The following MDN1 variants were observed in gnomAD, a reference collection of about 807,000 sequenced individuals.
MDN1 encodes midasin AAA ATPase 1.
Under a neutral mutation model 669.2 loss-of-function variants are expected in MDN1, and 266 were observed. That is an observed-to-expected ratio of 0.40 (90% CI 0.36 to 0.44). MDN1 has a LOEUF of 0.44. Ranked by LOEUF, MDN1 falls within the 20% of genes least tolerant of loss-of-function variation. The pLI is 1.00. For synonymous variants in MDN1, 2,385 were observed against 2,457.1 expected (o/e 0.97, Z 0.87); for missense variants, 5,940 against 6,754.0 (o/e 0.88, Z 4.22).
At chr6:89,745,108 C>T (rs1449103696) in intron 29 of MDN1, among the ~76,000 whole-genome samples, 165 bp downstream of exon 29, 1 of 140,676 alleles carries the variant, frequency 7.1e-6, no homozygotes. Flanking sequence ...CCTCCCCCAG[C>T]CCCCGACCCA....
Position 89,803,426 on chromosome 6 carries a change from G to A in MDN1, c.231C>T (p.Ala77=), listed in dbSNP as rs561511710. Residue 77 remains alanine, a synonymous_variant, in exon 2 of 102, where the codon GCC becomes GCT. Transcript: ENST00000369393. ...PLLLDLLERN[A]EAIKAGGQIN... The stretch of plus-strand genomic sequence containing the variant: ...TTTGGCCTCCAGCTTTAATGGCTTC[G>A]GCATTCCTTTCCAGCAAATCCAAAA... 16 of 1,613,930 alleles carry A rather than the reference G, an allele frequency of 9.9e-6. No homozygotes were observed. Among genetic ancestry groups the A allele is most frequent in the East Asian group, 2.2e-5 (1 of 44,882 alleles).
At position 89,803,559 on chromosome 6, in the gene MDN1, G is replaced by A. The variant is rs1454603808; in HGVS notation, c.103-5C>T. 6.3e-7 allele frequency: 1 copy of A among 1,580,418 alleles called. No homozygotes were observed. On this transcript the variant is annotated splice_region_variant and splice_polypyrimidine_tract_variant and intron_variant, in intron 1 of 101. Transcript: ENST00000369393. ...GCGATCTTGAGGTGTCCACACCTGAGAAAGGCAAAACAAAACATCTTTCAC... is the reference window on the plus strand; with the variant it reads ...GCGATCTTGAGGTGTCCACACCTGAAAAAGGCAAAACAAAACATCTTTCAC...
rs927904348 is a variant in MDN1, at chr6:89,797,770, G to A, written c.330-2969C>T. On this transcript the variant is annotated intron_variant, in intron 2 of 101. Coordinates refer to ENST00000369393, the MANE Select transcript of MDN1 (RefSeq NM_014611.3). The stretch of plus-strand genomic sequence containing the variant: ...AAGGCAGCATCAATACCAGGTCTAA[G>A]GCCTACTGCCAATAAAGGGAAAGTA... 43 of 327,926 alleles carry A rather than the reference G, an allele frequency of 1.3e-4. 1 individual carries two copies. The highest frequency in any genetic ancestry group is 2.4e-4 in the Admixed American group (6 of 25,244). The allele number at this position is 327,926 out of a possible 1,614,324, so 20.3% of individuals were successfully genotyped here. A position where few individuals can be genotyped will look rare whatever the true frequency, so the allele number is the denominator to read the frequency against.
chr6:89,771,754 G>C (rs1464444532), intron 14 of MDN1, 133 bp from the exon 15 acceptor site: 2 of 741,708 alleles, frequency 2.7e-6, no homozygotes, highest in South Asian at 3.7e-5. Flanking sequence ...TGTCAACCAG[G>C]GTGGAGTGCA....
At position 89,718,464 on chromosome 6, in the gene MDN1, C is replaced by T; in HGVS notation, c.6485G>A (p.Gly2162Asp). 2 of 1,614,120 alleles carry T rather than the reference C, an allele frequency of 1.2e-6. No individual in the cohort carries two copies. Among genetic ancestry groups the T allele is most frequent in the Non-Finnish European group, 1.7e-6 (2 of 1,180,014 alleles). ...AATCTCCATCGTGATAGCTTTACCACCTTCTCCAAGACACTTAGGCTTATA... is the reference window on the plus strand; with the variant it reads ...AATCTCCATCGTGATAGCTTTACCATCTTCTCCAAGACACTTAGGCTTATA... The part of the protein sequence containing the change: ...LTYKPKCLGE[G>D]GKAITMEIVN... Residue 2162 changes from glycine (G) to aspartate (D), a missense_variant, in exon 43 of 102, where the codon GGT (glycine) becomes GAT (aspartate). Around this residue, in one of 5 missense-constraint regions of MDN1, gnomAD observed 2,292 missense variants for 2,638.3 expected, o/e 0.87. Transcript: ENST00000369393.
intron 1 of MDN1, 130 bp downstream of exon 1, chr6:89,819,376 G>T: frequency 1.2e-6 from 1 of 840,532 alleles, no homozygotes; most frequent in Non-Finnish European, 1.9e-6. Flanking sequence ...GCCCACAGGA[G>T]GGGGCCAGCT....
intron 91 of MDN1, among the ~76,000 whole-genome samples, chr6:89,656,470 C>T (rs922182530): frequency 7.2e-5 from 11 of 152,062 alleles, no homozygotes; most frequent in South Asian, 2.1e-4. Flanking sequence ...ACTTCATGGC[C>T]GGAATCAGGG....
At chr6:89,794,007 C>T in intron 4 of MDN1, 53 bp from the exon 5 acceptor site, 3 of 1,475,740 alleles carry the variant, frequency 2.0e-6, no homozygotes, top group South Asian at 1.2e-5. Flanking sequence ...AATGCTATCG[C>T]AAGACCTGCA....
chr6:89,686,864 A>C, intron 69 of MDN1, 38 bp downstream of exon 69: 2 of 1,608,460 alleles, frequency 1.2e-6, no homozygotes, highest in African/African-American at 1.3e-5. Context: ...TTAGCCGGGA[A>C]GCTCTAAGTG....
chr6:89,752,927 A>G (rs1817029715), intron 22 of MDN1, among the ~76,000 whole-genome samples: 1 of 152,138 alleles, frequency 6.6e-6, no homozygotes, highest in Non-Finnish European at 1.5e-5. Flanking sequence ...GTTCGAGACC[A>G]GCCTGGCCAA....
intron 7 of MDN1, among the ~76,000 whole-genome samples, 177 bp from the exon 8 acceptor site, chr6:89,788,134 A>G (rs1819064106): frequency 6.6e-6 from 1 of 152,222 alleles, no homozygotes; most frequent in African/African-American, 2.4e-5. Context: ...ACACTCCAGC[A>G]CAATTTACAC....
At chr6:89,706,826 A>ATT (rs1320919592) in intron 52 of MDN1, among the ~76,000 whole-genome samples, 36 of 152,214 alleles carry the variant, frequency 2.4e-4, no homozygotes, top group African/African-American at 8.2e-4. Flanking sequence ...ATACCAATAG[A>ATT]TATGAGAAAA....
chr6:89,687,299 A>G, intron 68 of MDN1, 45 bp downstream of exon 68: 1 of 1,532,846 alleles, frequency 6.5e-7, no homozygotes, highest in Non-Finnish European at 8.9e-7. Flanking sequence ...AAAAGACAAA[A>G]GCCCTTACAA....
chr6:89,740,217 C>T lies in MDN1; in HGVS notation c.4593+17G>A. The stretch of plus-strand genomic sequence containing the variant: ...GGTCAAAACCTAGAAAGAAAATGTG[C>T]ATCAGTAAAGTTTTACCTCCTTTTT... On this transcript the variant is annotated intron_variant, in intron 32 of 101. Transcript: ENST00000369393. 1.2e-6 allele frequency: 2 copies of T among 1,609,694 alleles called. No homozygotes were observed. The highest frequency in any genetic ancestry group is 1.7e-6 in the Non-Finnish European group (2 of 1,178,502).
At chr6:89,688,440 T>C in intron 66 of MDN1, 133 bp downstream of exon 66, 3 of 779,858 alleles carry the variant, frequency 3.8e-6, no homozygotes, top group Non-Finnish European at 4.1e-6. Flanking sequence ...TAACATCTCA[T>C]TGAACTGCAG....
chr6:89,763,038 G>GCCAGA (rs2128321103), intron 15 of MDN1, among the ~76,000 whole-genome samples: 1 of 152,160 alleles, frequency 6.6e-6, no homozygotes, highest in Admixed American at 6.5e-5. Context: ...GGGCAACAGA[G>GCCAGA]CCAGACCCTG....
chr6:89,757,356 C>A (rs1817307253), intron 19 of MDN1, among the ~76,000 whole-genome samples: 1 of 152,156 alleles, frequency 6.6e-6, no homozygotes. Flanking sequence ...TATGCGTATA[C>A]TGGTATATGT....
At chr6:89,763,269 G>T (rs746152801) in intron 15 of MDN1, among the ~76,000 whole-genome samples, 1 of 145,010 alleles carries the variant, frequency 6.9e-6, no homozygotes, top group African/African-American at 2.6e-5. Context: ...TTAGGAAAAC[G>T]AAGAGTAGGA....
intron 42 of MDN1, 40 bp downstream of exon 42, chr6:89,718,727 T>C (rs1281015699): frequency 6.2e-7 from 1 of 1,610,742 alleles, no homozygotes; most frequent in African/African-American, 1.3e-5. Flanking sequence ...CCACGGGGTT[T>C]ATTATGCTTT....
Sources: gnomAD v4.1 joint callset for allele counts (sites outside exome capture counted in the v4.1 genomes callset) on GRCh38, gnomAD v4.1.1 for gene constraint, gnomAD v4.1.1 regional missense constraint, MANE v1.5 for transcripts, NCBI Gene and HGNC (gene_info 2026-07-23, HGNC 2026-07-21) for gene names.